Variants in TTC9 observed in about 807,000 individuals in gnomAD.
The protein encoded by TTC9 is tetratricopeptide repeat domain 9, also known as tetratricopeptide repeat protein 9A.
In TTC9, 13 loss-of-function variants were observed where a neutral mutation model predicts 22.9. The ratio of observed to expected loss-of-function variants is 0.57; its 90% CI spans 0.37 to 0.90. TTC9 has a LOEUF of 0.90. Among genes scored for constraint, TTC9 ranks in the 40% least tolerant of loss-of-function variants. TTC9 has a pLI of 0.01. For missense variants in TTC9, 280 were observed against 291.8 expected (o/e 0.96, Z 0.29); for synonymous variants, 148 against 133.2 (o/e 1.11, Z -0.77).
chr14:70,673,948 T>C lies in TTC9; in HGVS notation c.*2793T>C, dbSNP rs750658713. The C allele has an allele frequency of 6.6e-5, 10 of 152,080 alleles. No individual in the cohort carries two copies. Among genetic ancestry groups the C allele is most frequent in the Non-Finnish European group, 1.0e-4 (7 of 68,022 alleles). The allele number at this position is 152,080 out of a possible 1,614,324, so 9.4% of individuals were successfully genotyped here. ...CTTAGATATACAGGCTTACTGGAAC[T>C]CCATTCACTGTGACCTGAAGTTAAA... On this transcript the variant is annotated 3_prime_UTR_variant, in exon 3 of 3. Transcript: ENST00000256367.
chr14:70,647,379 C>T (rs567863490), intron 1 of TTC9, among the ~76,000 whole-genome samples: 121 of 152,300 alleles, frequency 7.9e-4, no homozygotes, highest in African/African-American at 2.8e-3. Flanking sequence ...AGGGAATACA[C>T]GTGACCCTAC....
At chr14:70,659,119 A>AACAC (rs201172906) in intron 1 of TTC9, among the ~76,000 whole-genome samples, 13 of 134,706 alleles carry the variant, frequency 9.7e-5, no homozygotes, top group African/African-American at 3.0e-4. Flanking sequence ...TATATAACTA[A>AACAC]ACACACACAC....
intron 2 of TTC9, 37 bp from the exon 3 acceptor site, chr14:70,671,039 A>T: frequency 6.3e-7 from 1 of 1,591,138 alleles, no homozygotes; most frequent in African/African-American, 1.3e-5. Flanking sequence ...AGTTGCCCTC[A>T]CCTGGTGTTC....
In TTC9 at chr14:70,645,191, A is replaced by C. The variant is rs552451595; in HGVS notation, c.406+2656A>C. Among the ~76,000 whole-genome samples the C allele has an allele frequency of 1.6e-4, 25 of 152,364 alleles. No individual in the cohort carries two copies. The South Asian group carries it at 5.2e-3, about 32-fold the overall frequency. On this transcript the variant is annotated intron_variant, in intron 1 of 2. Coordinates refer to ENST00000256367, the MANE Select transcript of TTC9 (RefSeq NM_015351.2). ...ATGTTTGTTTCCTTCAGGGCTATGT[A>C]TAAAATCAGTGATGACTATTTCAGA...
chr14:70,654,587 C>CAA (rs61046584), intron 1 of TTC9, among the ~76,000 whole-genome samples: 624 of 57,080 alleles, frequency 0.011, 19 homozygotes, highest in Non-Finnish European at 0.014. Flanking sequence ...GGCTCTGTCT[C>CAA]AAAAAAAAAA....
intron 1 of TTC9, among the ~76,000 whole-genome samples, chr14:70,657,048 G>A (rs1048105384): frequency 6.6e-6 from 1 of 152,106 alleles, no homozygotes; most frequent in Admixed American, 6.5e-5. Context: ...AACTCCCTTG[G>A]GCAGATTCCT....
chr14:70,658,949 C>T (rs1398820100), intron 1 of TTC9, among the ~76,000 whole-genome samples: 2 of 152,236 alleles, frequency 1.3e-5, no homozygotes, highest in South Asian at 2.1e-4. Context: ...GTGTAAAAAG[C>T]GCCTTCCAAA....
At chr14:70,658,230 G>T (rs1886093902) in intron 1 of TTC9, among the ~76,000 whole-genome samples, 1 of 152,144 alleles carries the variant, frequency 6.6e-6, no homozygotes, top group South Asian at 2.1e-4. Context: ...GCTAATAATA[G>T]CTATTTCCCG....
intron 1 of TTC9, among the ~76,000 whole-genome samples, chr14:70,643,767 T>C (rs1398762489): frequency 6.6e-6 from 1 of 152,182 alleles, no homozygotes; most frequent in African/African-American, 2.4e-5. Flanking sequence ...TACCTCTGTC[T>C]TCCCAGAATG....
chr14:70,643,304 T>C (rs192400168), intron 1 of TTC9, among the ~76,000 whole-genome samples: 193 of 152,272 alleles, frequency 1.3e-3, no homozygotes, highest in Non-Finnish European at 2.2e-3. Context: ...GCAAAGAAGG[T>C]GTACATTCCA....
intron 1 of TTC9, among the ~76,000 whole-genome samples, chr14:70,652,986 C>A (rs903456899): frequency 6.6e-6 from 1 of 152,228 alleles, no homozygotes; most frequent in African/African-American, 2.4e-5. Flanking sequence ...CAGGTCTTTA[C>A]ATAGTGAAAT....
Position 70,671,376 on chromosome 14 carries a change from C to G in TTC9, c.*221C>G, listed in dbSNP as rs1886292847. Reference sequence around the variant, plus strand: ...GCCCAGACAATGGAGACATCCTCTCCTCTAGCAGGTCAGCGACTGAGAGGG... The same window carrying G: ...GCCCAGACAATGGAGACATCCTCTCGTCTAGCAGGTCAGCGACTGAGAGGG... On this transcript the variant is annotated 3_prime_UTR_variant, in exon 3 of 3. Coordinates refer to ENST00000256367, the MANE Select transcript of TTC9 (RefSeq NM_015351.2). 2.2e-6 allele frequency: 1 copy of G among 457,710 alleles called. No homozygotes were observed. Among genetic ancestry groups the G allele is most frequent in the Non-Finnish European group, 4.0e-6 (1 of 248,820 alleles). The allele number at this position is 457,710 out of a possible 1,614,324, so 28.4% of individuals were successfully genotyped here.
intron 1 of TTC9, among the ~76,000 whole-genome samples, chr14:70,645,803 C>T (rs1885893859): frequency 6.6e-6 from 1 of 152,210 alleles, no homozygotes; most frequent in Non-Finnish European, 1.5e-5. Flanking sequence ...AGGATCCATC[C>T]TCCTTCTACA....
intron 1 of TTC9, among the ~76,000 whole-genome samples, chr14:70,666,430 A>T (rs1886217324): frequency 6.6e-6 from 1 of 152,214 alleles, no homozygotes; most frequent in South Asian, 2.1e-4. Flanking sequence ...CTCTCTCAGG[A>T]ACTGCAGAGA....
At chr14:70,669,588 T>C (rs1019865106) in intron 2 of TTC9, among the ~76,000 whole-genome samples, 1 of 151,998 alleles carries the variant, frequency 6.6e-6, no homozygotes, top group Non-Finnish European at 1.5e-5. Context: ...GCCTTTTTTT[T>C]TTTTTTTTAA....
intron 1 of TTC9, among the ~76,000 whole-genome samples, chr14:70,655,593 G>C (rs1191854343): frequency 6.6e-6 from 1 of 152,072 alleles, no homozygotes; most frequent in African/African-American, 2.4e-5. Flanking sequence ...AGGAAACAAG[G>C]GGTTGTTCTC....
At chr14:70,660,509 A>T (rs1886130893) in intron 1 of TTC9, among the ~76,000 whole-genome samples, 1 of 152,222 alleles carries the variant, frequency 6.6e-6, no homozygotes, top group Non-Finnish European at 1.5e-5. Context: ...TTTTTGTCCC[A>T]GCACTGTGAG....
At position 70,675,015 on chromosome 14, in the gene TTC9, G is replaced by A. The variant is rs1227397839; in HGVS notation, c.*3860G>A. On this transcript the variant is annotated 3_prime_UTR_variant, in exon 3 of 3. Coordinates refer to ENST00000256367, the MANE Select transcript of TTC9 (RefSeq NM_015351.2). ...CCCTCCAGAAAGTTTGTACCAAAAC[G>A]CTCTCCTATTTGGATCCTAGAGAGT... is the stretch of plus-strand genomic sequence containing the variant. The A allele has an allele frequency of 1.3e-5, 2 of 152,090 alleles. No individual in the cohort carries two copies. Among genetic ancestry groups the A allele is most frequent in the African/African-American group, 4.8e-5 (2 of 41,410 alleles). 9.4% of individuals were successfully genotyped at this position (152,090 alleles called of 1,614,324 possible). A position where few individuals can be genotyped will look rare whatever the true frequency, so the allele number is the denominator to read the frequency against.
chr14:70,642,057 C>G lies in TTC9; in HGVS notation c.-73C>G. Reference sequence around the variant, plus strand: ...GGGGCCGGCGCCCGCGGCTTTTAAACCCGGGAAGGCGCGGCGGCGGCGGCG... The same window carrying G: ...GGGGCCGGCGCCCGCGGCTTTTAAAGCCGGGAAGGCGCGGCGGCGGCGGCG... On this transcript the variant is annotated 5_prime_UTR_variant, in exon 1 of 3. Transcript: ENST00000256367. 1 of 991,692 alleles carries G rather than the reference C, an allele frequency of 1.0e-6. No homozygotes were observed. The allele number at this position is 991,692 out of a possible 1,614,324, so 61.4% of individuals were successfully genotyped here.
Sources: gnomAD v4.1 joint callset for allele counts (sites outside exome capture counted in the v4.1 genomes callset) on GRCh38, gnomAD v4.1.1 for gene constraint, MANE v1.5 for transcripts, NCBI Gene and HGNC (gene_info 2026-07-23, HGNC 2026-07-21) for gene names.